Variants in USP32 observed in about 807,000 individuals in gnomAD.
USP32 encodes the protein ubiquitin carboxyl-terminal hydrolase 32.
USP32 carries 59 observed loss-of-function variants against 204.8 expected under a neutral mutation model. The ratio of observed to expected loss-of-function variants is 0.29; its 90% CI spans 0.23 to 0.36. The LOEUF is 0.36. Ranked by LOEUF, USP32 falls within the 10% of genes least tolerant of loss-of-function variation. USP32 has a pLI of 1.00. For synonymous variants in USP32, 517 were observed against 678.4 expected (o/e 0.76, Z 3.70); for missense variants, 1,160 against 1,946.4 (o/e 0.60, Z 7.60).
intron 12 of USP32, among the ~76,000 whole-genome samples, chr17:60,228,372 A>G (rs552348028): frequency 2.0e-4 from 30 of 152,344 alleles, no homozygotes; most frequent in African/African-American, 7.0e-4. Context: ...ATGTCAAAAA[A>G]GAAGTATAAA....
intron 2 of USP32, among the ~76,000 whole-genome samples, chr17:60,325,922 G>A (rs1339762497): frequency 6.9e-6 from 1 of 144,576 alleles, no homozygotes; most frequent in African/African-American, 2.6e-5. Flanking sequence ...GCAGTGAGTT[G>A]AGATTAAGTC....
At chr17:60,400,387 G>A (rs184983854) in intron 1 of USP32, among the ~76,000 whole-genome samples, 5 of 152,350 alleles carry the variant, frequency 3.3e-5, no homozygotes, top group African/African-American at 4.8e-5. Flanking sequence ...TAATCCAGGC[G>A]TGAGGGTTAG....
intron 11 of USP32, among the ~76,000 whole-genome samples, chr17:60,251,595 C>T (rs1014753560): frequency 6.6e-6 from 1 of 152,168 alleles, no homozygotes; most frequent in African/African-American, 2.4e-5. Context: ...AAACTATCTA[C>T]ACAAATGTGT....
At chr17:60,186,538 C>G (rs1414042583) in intron 29 of USP32, among the ~76,000 whole-genome samples, 1 of 152,212 alleles carries the variant, frequency 6.6e-6, no homozygotes, top group Non-Finnish European at 1.5e-5. Flanking sequence ...AATTATCTGT[C>G]TCCTCCCTCA....
chr17:60,321,689 C>T (rs966150165), intron 2 of USP32, among the ~76,000 whole-genome samples: 16 of 152,016 alleles, frequency 1.1e-4, no homozygotes, highest in African/African-American at 3.9e-4. Flanking sequence ...ATACAGAAGA[C>T]CAAATGAAAA....
intron 7 of USP32, among the ~76,000 whole-genome samples, chr17:60,268,929 C>G (rs1052971506): frequency 6.6e-6 from 1 of 152,040 alleles, no homozygotes; most frequent in African/African-American, 2.4e-5. Context: ...TGCATTTTTA[C>G]AAATATGGTT....
In USP32 at chr17:60,226,122, C is replaced by T. The variant is rs749809603; in HGVS notation, c.1349G>A (p.Ser450Asn). ...TTCTGTAGTATTCACGTAACTGAGG[C>T]TGCTTCCAATTCTATCTTCGACCTG... ...MEQVEDRIGSSLSYVNTTEEK... is the reference protein window; with the variant it reads ...MEQVEDRIGSNLSYVNTTEEK... The change falls in exon 13 of 34, where the codon AGC (serine) becomes AAC (asparagine). Residue 450 changes from serine (S) to asparagine (N), a missense_variant. By Grantham distance (46) the Ser-to-Asn change is conservative. This residue lies in a region of USP32 where 536 missense variants were observed against 680.9 expected (regional missense o/e 0.79). Coordinates refer to ENST00000300896, the MANE Select transcript of USP32 (RefSeq NM_032582.4). 1.9e-6 allele frequency: 3 copies of T among 1,607,792 alleles called. No individual in the cohort carries two copies. The highest frequency in any genetic ancestry group is 2.7e-5 in the African/African-American group (2 of 74,470).
rs747742039 is a variant in USP32 at position 60,236,216 on chromosome 17, C to A, written c.1161G>T (p.Arg387Ser). 9.3e-6 allele frequency: 15 copies of A among 1,613,972 alleles called. No homozygotes were observed. Among genetic ancestry groups the A allele is most frequent in the Non-Finnish European group, 1.3e-5 (15 of 1,179,882 alleles). ...AGTTGTGTCCTGCTTGCAGACCATA[C>A]CTGCTCTCTCGTTCTAACCATCCTC... ...IIRGWLERES[R>S]YGLQAGHNWF... Residue 387 changes from arginine to serine, a missense_variant, in exon 12 of 34, where the codon AGG (arginine) becomes AGT (serine). By Grantham distance (110) the Arg-to-Ser change is moderately radical. Coordinates refer to ENST00000300896, the MANE Select transcript of USP32 (RefSeq NM_032582.4).
At position 60,198,304 on chromosome 17, in the gene USP32, C is replaced by T. The variant is rs777860691; in HGVS notation, c.3390G>A (p.Ala1130=). 14 of 1,613,984 alleles carry T rather than the reference C, an allele frequency of 8.7e-6. No individual in the cohort carries two copies. The highest frequency in any genetic ancestry group is 6.7e-5 in the African/African-American group (5 of 74,890). Residue 1130 remains alanine, a synonymous_variant, in exon 27 of 34, where the codon GCG becomes GCA. Coordinates refer to ENST00000300896, the MANE Select transcript of USP32 (RefSeq NM_032582.4). The part of the protein sequence containing the change: ...DAVWIQVSRL[A]SPLPPQEASN... ...TAGCTTCCTGAGGTGGGAGTGGGCT[C>T]GCTAACCGGGATACTTGAATCCAAA...
intron 1 of USP32, among the ~76,000 whole-genome samples, chr17:60,403,003 G>A (rs764516356): frequency 9.2e-5 from 14 of 151,998 alleles, no homozygotes; most frequent in Non-Finnish European, 1.3e-4. Context: ...TGTAGTGGGC[G>A]GGTAAGCCGT....
At chr17:60,315,411 A>C (rs1410786532) in intron 2 of USP32, among the ~76,000 whole-genome samples, 2 of 152,186 alleles carry the variant, frequency 1.3e-5, no homozygotes, top group African/African-American at 4.8e-5. Flanking sequence ...CATCTCAAAA[A>C]ATAAAAATAA....
intron 28 of USP32, 73 bp from the exon 29 acceptor site, chr17:60,190,756 T>C: frequency 6.4e-7 from 1 of 1,553,842 alleles, no homozygotes; most frequent in Admixed American, 2.3e-5. Flanking sequence ...ATAAAAAATA[T>C]TCTCCCTTCC....
chr17:60,232,885 C>T (rs565289286), intron 12 of USP32, among the ~76,000 whole-genome samples: 1 of 152,156 alleles, frequency 6.6e-6, no homozygotes, highest in African/African-American at 2.4e-5. Flanking sequence ...ACTACTGCTA[C>T]TACTACCACC....
chr17:60,290,860 C>T (rs537526269), intron 4 of USP32, among the ~76,000 whole-genome samples: 6 of 152,026 alleles, frequency 3.9e-5, no homozygotes, highest in African/African-American at 1.4e-4. Flanking sequence ...CAATCATGAT[C>T]GCTAGCGAAG....
chr17:60,236,021 T>TA, intron 12 of USP32, 117 bp downstream of exon 12: 1 of 815,818 alleles, frequency 1.2e-6, no homozygotes, highest in Admixed American at 2.0e-5. Context: ...TTCGAATCTT[T>TA]ATTTAAGTTG....
At chr17:60,396,079 T>C (rs1389587130), upstream of USP32, among the ~76,000 whole-genome samples, 1 of 142,534 alleles carries the variant, frequency 7.0e-6, no homozygotes, top group East Asian at 2.0e-4. Context: ...CTTTTTTTTT[T>C]TTTTTTTTTT....
intron 16 of USP32, among the ~76,000 whole-genome samples, chr17:60,218,857 AT>A (rs761092910): frequency 1.6e-4 from 25 of 152,072 alleles, no homozygotes; most frequent in Non-Finnish European, 2.5e-4. Flanking sequence ...AGCCTCCCAA[AT>A]TGTGGGATTA....
intron 11 of USP32, among the ~76,000 whole-genome samples, chr17:60,245,957 C>T (rs916488308): frequency 1.3e-5 from 2 of 151,360 alleles, no homozygotes; most frequent in African/African-American, 2.4e-5. Context: ...TATATGCATA[C>T]AATGCGTAAT....
intron 16 of USP32, chr17:60,219,445 C>T (rs2085183802): frequency 1.9e-6 from 1 of 524,986 alleles, no homozygotes; most frequent in African/African-American, 2.0e-5. Flanking sequence ...CTCATCTAGT[C>T]TTGTGCATGA....
Sources: allele counts gnomAD v4.1 joint callset (sites outside exome capture counted in the v4.1 genomes callset), GRCh38; gene constraint gnomAD v4.1.1; regional missense constraint gnomAD v4.1.1; transcripts MANE v1.5; gene names NCBI Gene and HGNC (gene_info 2026-07-23, HGNC 2026-07-21).